The following LARS2 variants were observed in gnomAD, a reference collection of about 807,000 sequenced individuals.
LARS2 encodes the protein leucine--tRNA ligase, mitochondrial.
A neutral mutation model predicts 116.6 loss-of-function variants in LARS2; 81 were observed. The observed-to-expected ratio is 0.69, with a 90% CI of 0.58 to 0.84. LARS2 has a LOEUF of 0.84. Among genes scored for constraint, LARS2 ranks in the 40% least tolerant of loss-of-function variants. The probability of loss-of-function intolerance (pLI) is 0.00; values close to 1 mark genes in which losing one functional copy is unlikely to be tolerated. For missense variants in LARS2, 968 were observed against 1,114.5 expected, an observed-to-expected ratio of 0.87 and a Z score of 1.87; for synonymous variants, 396 against 407.2, an observed-to-expected ratio of 0.97 and a Z score of 0.33.
chr3:45,521,575 G>A (rs1308189937), intron 19 of LARS2, among the ~76,000 whole-genome samples: 2 of 151,972 alleles, frequency 1.3e-5, no homozygotes, highest in Admixed American at 6.6e-5. Flanking sequence ...CAGACAGAAG[G>A]TTAATATCCT....
intron 8 of LARS2, among the ~76,000 whole-genome samples, chr3:45,472,956 C>G (rs2125717471): frequency 6.6e-6 from 1 of 152,356 alleles, no homozygotes; most frequent in Middle Eastern, 3.4e-3. Context: ...GCCTGGGGAT[C>G]TGCTTCTGTA....
At chr3:45,490,245 C>A (rs1699891774) in intron 12 of LARS2, among the ~76,000 whole-genome samples, 1 of 151,950 alleles carries the variant, frequency 6.6e-6, no homozygotes, top group Non-Finnish European at 1.5e-5. Context: ...CCCAGTTAAC[C>A]CTCTACAGGG....
chr3:45,493,898 G>A (rs558942321), intron 13 of LARS2, among the ~76,000 whole-genome samples: 49 of 152,174 alleles, frequency 3.2e-4, no homozygotes, highest in African/African-American at 1.1e-3. Flanking sequence ...AATTGAGCCC[G>A]CATTTTCTCC....
chr3:45,484,716 A>G (rs1286269060), intron 10 of LARS2, among the ~76,000 whole-genome samples: 1 of 145,192 alleles, frequency 6.9e-6, no homozygotes, highest in East Asian at 2.0e-4. Flanking sequence ...ACATAATACA[A>G]TAATACAATG....
At chr3:45,535,766 ACC>A (rs137965976) in intron 20 of LARS2, among the ~76,000 whole-genome samples, 70,785 of 122,068 alleles carry the variant, frequency 0.58, 17,523 homozygotes, top group East Asian at 0.77. Context: ...ACACACACAC[ACC>A]CCCACACCCA....
intron 14 of LARS2, among the ~76,000 whole-genome samples, chr3:45,498,928 G>A (rs1700068260): frequency 6.6e-6 from 1 of 152,274 alleles, no homozygotes; most frequent in African/African-American, 2.4e-5. Context: ...CATTCAGTAA[G>A]CAATATACAG....
intron 7 of LARS2, 68 bp from the exon 8 acceptor site, chr3:45,458,675 A>G: frequency 6.5e-7 from 1 of 1,544,240 alleles, no homozygotes; most frequent in South Asian, 1.1e-5. Flanking sequence ...CGACAGTGCG[A>G]CACTCCCTGT....
intron 3 of LARS2, among the ~76,000 whole-genome samples, chr3:45,397,818 A>G (rs377429143): frequency 6.6e-4 from 100 of 152,306 alleles, no homozygotes; most frequent in African/African-American, 2.2e-3. Context: ...GCACTAAGTA[A>G]AAGAATGGGG....
chr3:45,503,201 C>T (rs116301390), intron 15 of LARS2, among the ~76,000 whole-genome samples: 86 of 152,134 alleles, frequency 5.7e-4, no homozygotes, highest in African/African-American at 1.9e-3. Flanking sequence ...ATAGGTAATA[C>T]GAATACAGTC....
chr3:45,476,969 C>G (rs570232467), intron 10 of LARS2, among the ~76,000 whole-genome samples: 2 of 152,064 alleles, frequency 1.3e-5, no homozygotes, highest in South Asian at 4.1e-4. Flanking sequence ...AGAATCTTCT[C>G]ATAATTTATA....
intron 3 of LARS2, among the ~76,000 whole-genome samples, chr3:45,399,992 G>C (rs1292988143): frequency 6.8e-6 from 1 of 147,998 alleles, no homozygotes; most frequent in Non-Finnish European, 1.5e-5. Flanking sequence ...TTTTAAAAGA[G>C]AAAAAAAAAA....
intron 9 of LARS2, among the ~76,000 whole-genome samples, chr3:45,475,525 T>A (rs527713611): frequency 1.3e-5 from 2 of 152,384 alleles, no homozygotes; most frequent in East Asian, 1.9e-4. Context: ...CTGGTCCTCA[T>A]GTTGAAGGCC....
intron 15 of LARS2, among the ~76,000 whole-genome samples, chr3:45,502,697 C>T (rs937237163): frequency 6.6e-6 from 1 of 152,146 alleles, no homozygotes; most frequent in African/African-American, 2.4e-5. Context: ...AGGCATGAGC[C>T]ACTGTGCCCA....
intron 8 of LARS2, among the ~76,000 whole-genome samples, chr3:45,462,568 C>G (rs1354155227): frequency 6.6e-5 from 10 of 152,202 alleles, no homozygotes; most frequent in African/African-American, 2.2e-4. Flanking sequence ...TTGGCCACCT[C>G]CAGCTTCAAG....
intron 12 of LARS2, among the ~76,000 whole-genome samples, chr3:45,491,048 A>C (rs1276143477): frequency 1.3e-5 from 2 of 152,196 alleles, no homozygotes; most frequent in African/African-American, 4.8e-5. Flanking sequence ...GGGAGTAGTC[A>C]TTAAAAATCC....
At chr3:45,423,852 A>G (rs1165134252) in intron 6 of LARS2, among the ~76,000 whole-genome samples, 4 of 152,192 alleles carry the variant, frequency 2.6e-5, no homozygotes, top group African/African-American at 9.7e-5. Flanking sequence ...GCTTTCACCT[A>G]CAAACAGCAA....
intron 20 of LARS2, among the ~76,000 whole-genome samples, chr3:45,536,614 G>C (rs540748067): frequency 1.3e-5 from 2 of 152,330 alleles, no homozygotes; most frequent in East Asian, 3.9e-4. Flanking sequence ...GCCCAGCTTC[G>C]GGAGAAAAGT....
chr3:45,411,294 T>C (rs568729635), intron 4 of LARS2, among the ~76,000 whole-genome samples: 7 of 152,308 alleles, frequency 4.6e-5, no homozygotes, highest in Admixed American at 1.3e-4. Context: ...AACACCACTA[T>C]AGGAAAATTG....
intron 20 of LARS2, among the ~76,000 whole-genome samples, chr3:45,529,443 G>A (rs937796627): frequency 1.7e-4 from 26 of 151,788 alleles, no homozygotes; most frequent in Non-Finnish European, 5.9e-5. Flanking sequence ...CAGCTACTCA[G>A]GAGGCTGAGG....
Sources: gnomAD v4.1 joint callset for allele counts (sites outside exome capture counted in the v4.1 genomes callset) on GRCh38, gnomAD v4.1.1 for gene constraint, MANE v1.5 for transcripts, NCBI Gene and HGNC (gene_info 2026-07-23, HGNC 2026-07-21) for gene names.